The following AOPEP variants were observed in gnomAD, a reference collection of about 807,000 sequenced individuals.
AOPEP encodes aminopeptidase O (putative), also known as aminopeptidase O.
A neutral mutation model predicts 98.1 loss-of-function variants in AOPEP; 77 were observed. The observed-to-expected ratio is 0.78, with a 90% CI of 0.65 to 0.95. AOPEP has a LOEUF of 0.95. Ranked by LOEUF, AOPEP falls within the 40% of genes least tolerant of loss-of-function variation. AOPEP has a pLI of 0.00. For synonymous variants in AOPEP, 346 were observed against 365.3 expected (o/e 0.95, Z 0.60); for missense variants, 1,024 against 1,024.7 (o/e 1.00, Z 0.01).
intron 13 of AOPEP, among the ~76,000 whole-genome samples, chr9:95,018,403 T>G (rs1180333261): frequency 6.6e-6 from 1 of 152,238 alleles, no homozygotes; most frequent in Non-Finnish European, 1.5e-5. Flanking sequence ...CTAGATACCT[T>G]AATGCTGCTC....
the AOPEP span, chr9:95,107,329 G>A: frequency 6.5e-7 from 1 of 1,545,040 alleles, no homozygotes; most frequent in Non-Finnish European, 8.8e-7. Flanking sequence ...CATACTTCTA[G>A]GATTTATTTA....
chr9:95,085,800 CTA>C, intron 16 of AOPEP: 1 of 895,244 alleles, frequency 1.1e-6, no homozygotes, highest in South Asian at 1.8e-5. Context: ...TTACAAAAAA[CTA>C]AAACCAAATG....
chr9:94,872,076 A>T (rs2406898), intron 5 of AOPEP, among the ~76,000 whole-genome samples: 130,451 of 152,166 alleles, frequency 0.86, 57,369 homozygotes, highest in Non-Finnish European at 0.95. Context: ...TATAGGAAAC[A>T]TATGGTTCTA....
At chr9:94,773,355 T>C (rs1369699984) in intron 3 of AOPEP, 187 bp downstream of exon 3, 26 of 488,586 alleles carry the variant, frequency 5.3e-5, no homozygotes, top group Non-Finnish European at 8.8e-5. Flanking sequence ...AGCCTGGGCA[T>C]GGGATTTGGG....
chr9:95,005,243 C>T, intron 12 of AOPEP, 23 bp downstream of exon 12: 1 of 1,081,552 alleles, frequency 9.2e-7, no homozygotes, highest in African/African-American at 1.7e-5. Flanking sequence ...GGCGCGGTCC[C>T]TGCGCCCCGG....
chr9:94,962,182 C>T (rs972996315), intron 9 of AOPEP, among the ~76,000 whole-genome samples: 2 of 152,080 alleles, frequency 1.3e-5, no homozygotes, highest in Non-Finnish European at 2.9e-5. Context: ...TAATTAATTC[C>T]CTCTCAATTA....
the AOPEP span, among the ~76,000 whole-genome samples, chr9:95,146,487 C>CAAAA: frequency 0.34 from 15,414 of 45,248 alleles, 4,108 homozygotes; most frequent in East Asian, 0.49. Context: ...GACCCCATCT[C>CAAAA]AAAAAAAAAA....
Position 94,778,283 on chromosome 9 carries a change from A to G in AOPEP, c.964+5115A>G, listed in dbSNP as rs149569321. ...TATATTTACACGATCTAGCAATTTT[A>G]CTCTTGAGTATTTACCCAAGAGAAA... On this transcript the variant is annotated intron_variant, in intron 3 of 16. Transcript: ENST00000375315. Among the ~76,000 whole-genome samples the G allele has an allele frequency of 4.9e-4, 74 of 152,252 alleles. 1 individual carries two copies. Among genetic ancestry groups the G allele is most frequent in the African/African-American group, 1.7e-3 (72 of 41,526 alleles).
chr9:94,833,371 G>C (rs1164395158), intron 5 of AOPEP, among the ~76,000 whole-genome samples: 1 of 150,936 alleles, frequency 6.6e-6, no homozygotes, highest in African/African-American at 2.4e-5. Flanking sequence ...CCAAGTAGCT[G>C]GGATTACAGG....
rs72748511 is a variant in AOPEP at position 94,862,667 on chromosome 9, C to T, written c.1365-61319C>T. 4.7e-3 allele frequency among the ~76,000 whole-genome samples: 709 copies of T among 152,316 alleles called. 9 individuals are homozygous for T. Among genetic ancestry groups the T allele is most frequent in the South Asian group, 0.041 (200 of 4,824 alleles). ...CCCTGGAACCTTCTCCCAGAGTCTC[C>T]GTCCTCCCTGTTTTTGGTTTCTGGA... is the stretch of plus-strand genomic sequence containing the variant. On this transcript the variant is annotated intron_variant, in intron 5 of 16. Transcript: ENST00000375315.
intron 9 of AOPEP, among the ~76,000 whole-genome samples, chr9:94,963,603 T>C (rs1160362240): frequency 2.9e-5 from 4 of 137,126 alleles, no homozygotes; most frequent in Non-Finnish European, 4.5e-5. Context: ...TATCAATAGA[T>C]TTTGGGGAGT....
intron 7 of AOPEP, among the ~76,000 whole-genome samples, chr9:94,933,938 C>T (rs976225204): frequency 4.1e-4 from 63 of 151,846 alleles, no homozygotes; most frequent in Admixed American, 9.2e-4. Flanking sequence ...TTAGTAGAGA[C>T]GGGGTTTCAC....
chr9:94,777,325 C>T (rs375580415), intron 3 of AOPEP, among the ~76,000 whole-genome samples: 12 of 151,138 alleles, frequency 7.9e-5, no homozygotes, highest in Admixed American at 5.9e-4. Context: ...CCAGCTACTC[C>T]GGAGGCTGAG....
intron 1 of AOPEP, among the ~76,000 whole-genome samples, chr9:94,741,857 G>A (rs1032261976): frequency 1.3e-5 from 2 of 152,148 alleles, no homozygotes; most frequent in African/African-American, 2.4e-5. Context: ...GTCACATTTT[G>A]TTTACCTTTA....
chr9:94,878,161 A>G (rs893384458), intron 5 of AOPEP, among the ~76,000 whole-genome samples: 4 of 151,680 alleles, frequency 2.6e-5, no homozygotes, highest in Admixed American at 2.6e-4. Flanking sequence ...AAGTATTGGG[A>G]TAAAAGATTA....
rs1427024914 is a variant in AOPEP at position 94,892,514 on chromosome 9, A to G, written c.1365-31472A>G. ...GAAAGGGGCAGATTAAGAGACAGAC[A>G]TGTTAGTGACAGCCATAAATTCTCT... On this transcript the variant is annotated intron_variant, in intron 5 of 16. Transcript: ENST00000375315. Among the ~76,000 whole-genome samples the G allele has an allele frequency of 2.0e-5, 3 of 152,222 alleles. No homozygotes were observed. In the East Asian group the frequency reaches 5.8e-4, roughly 29 times the overall value.
chr9:94,876,541 A>AT (rs2046969280), intron 5 of AOPEP, among the ~76,000 whole-genome samples: 1 of 151,660 alleles, frequency 6.6e-6, no homozygotes, highest in Admixed American at 6.6e-5. Context: ...AATTTTTTGT[A>AT]TTTTTAGTAG....
intron 7 of AOPEP, among the ~76,000 whole-genome samples, chr9:94,948,060 A>G (rs1436823292): frequency 6.6e-6 from 1 of 151,720 alleles, no homozygotes; most frequent in African/African-American, 2.4e-5. Flanking sequence ...TTTTTTAAAA[A>G]CTCTTTCTCT....
intron 5 of AOPEP, among the ~76,000 whole-genome samples, chr9:94,884,865 T>C (rs372703908): frequency 6.7e-6 from 1 of 149,408 alleles, no homozygotes; most frequent in Non-Finnish European, 1.5e-5. Context: ...AAAAATTAGC[T>C]GGGCGTGGTG....
Sources: gnomAD v4.1 joint callset for allele counts (sites outside exome capture counted in the v4.1 genomes callset) on GRCh38, gnomAD v4.1.1 for gene constraint, MANE v1.5 for transcripts, NCBI Gene and HGNC (gene_info 2026-07-23, HGNC 2026-07-21) for gene names.